VTI1A: variants seen among roughly 807,000 people sequenced by gnomAD.
VTI1A encodes the protein vesicle transport through interaction with t-SNAREs homolog 1A.
In VTI1A, 22 loss-of-function variants were observed where a neutral mutation model predicts 34.9. The observed-to-expected ratio is 0.63, with a 90% CI of 0.45 to 0.90. The LOEUF is 0.90. VTI1A is among the 40% of genes least tolerant of loss of function. The pLI is 0.00. For synonymous variants in VTI1A, 87 were observed against 97.3 expected (o/e 0.89, Z 0.62); for missense variants, 268 against 275.6 (o/e 0.97, Z 0.20).
At chr10:112,502,233 A>G (rs996674322) in intron 3 of VTI1A, among the ~76,000 whole-genome samples, 3 of 151,634 alleles carry the variant, frequency 2.0e-5, no homozygotes, top group Non-Finnish European at 4.4e-5. Context: ...GGGTTTTACC[A>G]TGTTGCCTGG....
chr10:112,700,117 C>CAAAAAAAAA (rs1201699870), intron 7 of VTI1A, among the ~76,000 whole-genome samples: 1 of 40,442 alleles, frequency 2.5e-5, no homozygotes, highest in Non-Finnish European at 5.8e-5. Context: ...GACTCCATCT[C>CAAAAAAAAA]AAAAAAAAAA....
At chr10:112,553,868 G>T (rs1264896340) in intron 5 of VTI1A, among the ~76,000 whole-genome samples, 2 of 152,144 alleles carry the variant, frequency 1.3e-5, no homozygotes, top group Non-Finnish European at 2.9e-5. Context: ...AATATAGGTG[G>T]GTTGGAGGGC....
chr10:112,490,033 A>G (rs556972416), intron 3 of VTI1A, among the ~76,000 whole-genome samples: 2 of 152,272 alleles, frequency 1.3e-5, no homozygotes, highest in East Asian at 1.9e-4. Flanking sequence ...TTAACTCTCT[A>G]TTAAACTTAC....
chr10:112,472,533 C>CT (rs78914593), intron 3 of VTI1A, among the ~76,000 whole-genome samples: 395 of 134,860 alleles, frequency 2.9e-3, no homozygotes, highest in Middle Eastern at 7.9e-3. Context: ...TACCCATATT[C>CT]TTTTTTTTTT....
intron 1 of VTI1A, among the ~76,000 whole-genome samples, chr10:112,458,647 TTTTTA>T (rs1224233672): frequency 2.1e-4 from 23 of 107,870 alleles, no homozygotes; most frequent in African/African-American, 9.7e-4. Context: ...TATATATATA[TTTTTA>T]TTTTTATTTT....
chr10:112,658,660 C>T (rs964846881), intron 5 of VTI1A, among the ~76,000 whole-genome samples: 5 of 151,990 alleles, frequency 3.3e-5, no homozygotes, highest in African/African-American at 1.2e-4. Flanking sequence ...GGCAGCCAAG[C>T]AGGGAACAGA....
chr10:112,669,311 C>A (rs1847760410), intron 7 of VTI1A, among the ~76,000 whole-genome samples: 1 of 152,128 alleles, frequency 6.6e-6, no homozygotes, highest in African/African-American at 2.4e-5. Flanking sequence ...ATTTTATTTT[C>A]TATTTCGATG....
chr10:112,851,209 G>C, the VTI1A span, among the ~76,000 whole-genome samples: 2 of 152,200 alleles, frequency 1.3e-5, no homozygotes, highest in Non-Finnish European at 2.9e-5. Context: ...GCATTTGACT[G>C]AATCATTTCA....
At chr10:112,556,695 CATTA>C (rs1851555785) in intron 5 of VTI1A, among the ~76,000 whole-genome samples, 1 of 151,866 alleles carries the variant, frequency 6.6e-6, no homozygotes, top group African/African-American at 2.4e-5. Flanking sequence ...TAATTTGTGG[CATTA>C]ATTGTTTTAG....
At chr10:112,581,667 A>C (rs1290238248) in intron 5 of VTI1A, among the ~76,000 whole-genome samples, 1 of 152,214 alleles carries the variant, frequency 6.6e-6, no homozygotes, top group African/African-American at 2.4e-5. Context: ...ATTTCCATTT[A>C]TGTTTATAGA....
chr10:112,613,065 G>C (rs1370045362), intron 5 of VTI1A, among the ~76,000 whole-genome samples: 2 of 151,996 alleles, frequency 1.3e-5, no homozygotes, highest in Non-Finnish European at 2.9e-5. Context: ...TTATTCAACA[G>C]AGTGAATAAA....
At chr10:112,451,894 T>C (rs1431328223) in intron 1 of VTI1A, among the ~76,000 whole-genome samples, 1 of 152,244 alleles carries the variant, frequency 6.6e-6, no homozygotes, top group Non-Finnish European at 1.5e-5. Context: ...ATGTGGCTGT[T>C]GCTACATTGT....
chr10:112,505,986 T>C (rs1237248806), intron 3 of VTI1A, among the ~76,000 whole-genome samples: 1 of 152,226 alleles, frequency 6.6e-6, no homozygotes, highest in African/African-American at 2.4e-5. Flanking sequence ...AGTCTCTTAC[T>C]GTGCCTAATT....
chr10:112,673,148 C>T (rs1221521848), intron 7 of VTI1A, among the ~76,000 whole-genome samples: 1 of 151,864 alleles, frequency 6.6e-6, no homozygotes, highest in Admixed American at 6.6e-5. Flanking sequence ...GAAACCTCAC[C>T]TCTACTAAAA....
intron 7 of VTI1A, among the ~76,000 whole-genome samples, chr10:112,763,616 G>A (rs1436131179): frequency 2.6e-5 from 4 of 152,126 alleles, no homozygotes; most frequent in African/African-American, 9.7e-5. Context: ...AAATATAATG[G>A]CCTGGTGGCA....
downstream of VTI1A, among the ~76,000 whole-genome samples, chr10:112,822,436 C>T (rs1853670790): frequency 6.6e-6 from 1 of 152,020 alleles, no homozygotes; most frequent in Non-Finnish European, 1.5e-5. Context: ...GGAGTTTGGA[C>T]AGCTAACCCT....
chr10:112,664,695 A>C (rs779298639), intron 5 of VTI1A, among the ~76,000 whole-genome samples: 7 of 152,220 alleles, frequency 4.6e-5, no homozygotes, highest in Admixed American at 2.6e-4. Context: ...GTGTTTCTCT[A>C]TAAAAAGGGG....
At chr10:112,680,365 A>G (rs1848171493) in intron 7 of VTI1A, among the ~76,000 whole-genome samples, 2 of 152,206 alleles carry the variant, frequency 1.3e-5, no homozygotes, top group Non-Finnish European at 2.9e-5. Flanking sequence ...ATCTTGTGGT[A>G]TAGATAGTTG....
At chr10:112,521,843 TA>T (rs1391070531) in intron 3 of VTI1A, among the ~76,000 whole-genome samples, 6 of 152,104 alleles carry the variant, frequency 3.9e-5, no homozygotes, top group African/African-American at 1.2e-4. Flanking sequence ...AAGTTCCATT[TA>T]TTTTTTTTCT....
Sources: gnomAD v4.1 joint callset for allele counts (sites outside exome capture counted in the v4.1 genomes callset) on GRCh38, gnomAD v4.1.1 for gene constraint, MANE v1.5 for transcripts, NCBI Gene and HGNC (gene_info 2026-07-23, HGNC 2026-07-21) for gene names.